Variants in SGCZ observed in about 807,000 individuals in gnomAD.
SGCZ encodes sarcoglycan zeta.
Under a neutral mutation model 41.3 loss-of-function variants are expected in SGCZ, and 40 were observed. The ratio of observed to expected loss-of-function variants is 0.97; its 90% CI spans 0.75 to 1.26. The LOEUF is 1.26. Among genes scored for constraint, SGCZ ranks in the 50% most tolerant of loss-of-function variants. SGCZ has a pLI of 0.00. For synonymous variants in SGCZ, 206 were observed against 137.5 expected (o/e 1.50, Z -3.49); for missense variants, 552 against 369.8 (o/e 1.49, Z -4.04).
intron 3 of SGCZ, among the ~76,000 whole-genome samples, chr8:14,322,747 T>C (rs192274529): frequency 9.1e-4 from 139 of 152,242 alleles, no homozygotes; most frequent in African/African-American, 3.2e-3. Context: ...CTTCCTATGT[T>C]TAGCAGTTTC....
intron 1 of SGCZ, among the ~76,000 whole-genome samples, chr8:15,176,336 C>T (rs2117075812): frequency 6.6e-6 from 1 of 152,142 alleles, no homozygotes. Context: ...GAACATGTTA[C>T]ATGTTATGTT....
At chr8:14,825,982 C>T (rs940229138) in intron 1 of SGCZ, among the ~76,000 whole-genome samples, 5 of 151,992 alleles carry the variant, frequency 3.3e-5, no homozygotes, top group Admixed American at 3.3e-4. Flanking sequence ...TACATGTGCA[C>T]AATGTGCAGG....
intron 2 of SGCZ, among the ~76,000 whole-genome samples, chr8:14,452,423 A>G (rs529326557): frequency 1.3e-5 from 2 of 152,186 alleles, no homozygotes; most frequent in African/African-American, 4.8e-5. Context: ...AGAATGTGCA[A>G]TTCCAAGAGT....
chr8:14,994,362 T>C (rs987226088), intron 1 of SGCZ, among the ~76,000 whole-genome samples: 2 of 152,092 alleles, frequency 1.3e-5, no homozygotes, highest in Non-Finnish European at 2.9e-5. Flanking sequence ...GGCGGGCAGA[T>C]TGCCTGAGCT....
At chr8:14,631,501 G>C (rs939014289) in intron 1 of SGCZ, among the ~76,000 whole-genome samples, 1 of 151,994 alleles carries the variant, frequency 6.6e-6, no homozygotes, top group East Asian at 1.9e-4. Flanking sequence ...CCCTTGCCCA[G>C]AGATAATTGG....
At chr8:14,521,548 A>C (rs1225820566) in intron 2 of SGCZ, among the ~76,000 whole-genome samples, 1 of 152,128 alleles carries the variant, frequency 6.6e-6, no homozygotes, top group Non-Finnish European at 1.5e-5. Context: ...TTTAACCATC[A>C]ATCTATTGAT....
chr8:14,826,339 G>C (rs531308999), intron 1 of SGCZ, among the ~76,000 whole-genome samples: 1 of 152,126 alleles, frequency 6.6e-6, no homozygotes, highest in East Asian at 1.9e-4. Flanking sequence ...ATCATGGTTG[G>C]ACATTTGGCT....
intron 1 of SGCZ, among the ~76,000 whole-genome samples, chr8:15,115,658 A>T (rs1454585): frequency 0.72 from 109,931 of 151,776 alleles, 41,782 homozygotes; most frequent in Non-Finnish European, 0.85. Context: ...GAATGTTAGT[A>T]TGCAGAGAAA....
At chr8:15,051,122 C>T (rs1804498029) in intron 1 of SGCZ, among the ~76,000 whole-genome samples, 3 of 152,136 alleles carry the variant, frequency 2.0e-5, no homozygotes, top group Admixed American at 2.0e-4. Flanking sequence ...CTTTCTTCTT[C>T]AGTCCTTCTT....
At chr8:15,204,274 A>T (rs1451366058) in intron 1 of SGCZ, among the ~76,000 whole-genome samples, 1 of 152,216 alleles carries the variant, frequency 6.6e-6, no homozygotes, top group Non-Finnish European at 1.5e-5. Context: ...AAAAAGCCAA[A>T]GTCAAATAAC....
chr8:14,197,046 C>T (rs960280698), intron 4 of SGCZ, among the ~76,000 whole-genome samples: 2 of 152,010 alleles, frequency 1.3e-5, no homozygotes, highest in Non-Finnish European at 2.9e-5. Context: ...GGTTGCACAA[C>T]TGTAAATTTG....
At chr8:14,171,688 G>T (rs1020771415) in intron 4 of SGCZ, among the ~76,000 whole-genome samples, 1 of 152,018 alleles carries the variant, frequency 6.6e-6, no homozygotes, top group African/African-American at 2.4e-5. Flanking sequence ...TGTTATCAAA[G>T]AGTTTCTATC....
intron 1 of SGCZ, among the ~76,000 whole-genome samples, chr8:14,676,214 G>A (rs1323304321): frequency 2.0e-5 from 3 of 152,176 alleles, no homozygotes; most frequent in Admixed American, 6.5e-5. Context: ...TATCATCCCT[G>A]CAATGCCAGA....
chr8:15,155,660 G>T (rs775092955), intron 1 of SGCZ, among the ~76,000 whole-genome samples: 1 of 152,048 alleles, frequency 6.6e-6, no homozygotes, highest in Non-Finnish European at 1.5e-5. Context: ...CATGAAGAAC[G>T]CCTATTAAAT....
intron 2 of SGCZ, among the ~76,000 whole-genome samples, chr8:14,439,310 A>AATATATATATAT (rs57569373): frequency 0.012 from 1,713 of 142,632 alleles, 21 homozygotes; most frequent in Non-Finnish European, 0.016. Flanking sequence ...AGAAGAAAGA[A>AATATATATATAT]ATATATATAT....
intron 1 of SGCZ, among the ~76,000 whole-genome samples, chr8:14,797,833 A>G (rs917788597): frequency 2.6e-5 from 4 of 152,182 alleles, no homozygotes; most frequent in Non-Finnish European, 5.9e-5. Context: ...CCATGGCTTA[A>G]AGGGGCCAAG....
intron 2 of SGCZ, among the ~76,000 whole-genome samples, chr8:14,440,306 T>G (rs75156962): frequency 0.036 from 5,423 of 152,236 alleles, 300 homozygotes; most frequent in African/African-American, 0.12. Context: ...AAAAATATGC[T>G]AAATAATTCA....
intron 4 of SGCZ, among the ~76,000 whole-genome samples, chr8:14,225,410 G>C (rs777294242): frequency 4.6e-5 from 7 of 151,982 alleles, no homozygotes; most frequent in Non-Finnish European, 1.0e-4. Context: ...AATACACTTA[G>C]GTACCACTAT....
rs1806039659 is a variant in SGCZ at position 14,614,741 on chromosome 8, T to A, written c.40-59815A>T. 2.0e-5 allele frequency among the ~76,000 whole-genome samples: 3 copies of A among 152,086 alleles called. No individual in the cohort carries two copies. In the South Asian group the frequency reaches 6.2e-4, roughly 32 times the overall value. ...AAGAGAACAAGAGACTAATAAGTAGTTTTTGATAAGTGAAGAGAGTTAACA... is the reference window on the plus strand; with the variant it reads ...AAGAGAACAAGAGACTAATAAGTAGATTTTGATAAGTGAAGAGAGTTAACA... On this transcript the variant is annotated intron_variant, in intron 1 of 7. Coordinates refer to ENST00000382080, the MANE Select transcript of SGCZ (RefSeq NM_139167.4).
Sources: gnomAD v4.1 joint callset for allele counts (sites outside exome capture counted in the v4.1 genomes callset) on GRCh38, gnomAD v4.1.1 for gene constraint, MANE v1.5 for transcripts, NCBI Gene and HGNC (gene_info 2026-07-23, HGNC 2026-07-21) for gene names.